CLEC18A: variants seen among roughly 807,000 people sequenced by gnomAD.
CLEC18A encodes C-type lectin domain family 18 member A, also known as mannose receptor-like 1.
CLEC18A carries 5 observed loss-of-function variants against 24.0 expected under a neutral mutation model. The observed-to-expected ratio is 0.21, with a 90% CI of 0.11 to 0.44. CLEC18A has a LOEUF of 0.44. Ranked by LOEUF, CLEC18A falls within the 20% of genes least tolerant of loss-of-function variation. The probability of loss-of-function intolerance (pLI) is 0.99; values close to 1 mark genes in which losing one functional copy is unlikely to be tolerated. For synonymous variants in CLEC18A, 29 were observed against 100.1 expected, an observed-to-expected ratio of 0.29 and a Z score of 4.24; for missense variants, 83 against 233.4, an observed-to-expected ratio of 0.36 and a Z score of 4.20.
At chr16:69,944,435 TAAG>T in the CLEC18A span, among the ~76,000 whole-genome samples, 3 of 151,302 alleles carry the variant, frequency 2.0e-5, no homozygotes, top group Non-Finnish European at 4.4e-5. Flanking sequence ...AGAAACATTT[TAAG>T]AAGTAGCGGC....
At chr16:69,952,997 C>A (rs1158298331) in intron 2 of CLEC18A, 1 of 148,718 alleles carries the variant, frequency 6.7e-6, no homozygotes, top group Non-Finnish European at 1.5e-5. Context: ...ACCAGGGGTG[C>A]TCCCAGCTGT....
At chr16:69,964,923 AC>A (rs1959321518), downstream of CLEC18A, among the ~76,000 whole-genome samples, 1 of 151,854 alleles carries the variant, frequency 6.6e-6, no homozygotes, top group Non-Finnish European at 1.5e-5. Context: ...TGCCTCAGCC[AC>A]CCAAGTAGCT....
chr16:69,954,465 C>T lies in CLEC18A; in HGVS notation c.348C>T (p.Gly116=), dbSNP rs776916321. Residue 116 remains glycine (G), a synonymous_variant, in exon 3 of 12, where the codon GGC becomes GGT. Coordinates refer to ENST00000288040, the MANE Select transcript of CLEC18A (RefSeq NM_001370523.4). ...VGWNMQLLPA[G]LVSFVEVVSL... ...GGAACATGCAGCTGCTACCCGCGGG[C>T]TTGGTGTCCTTTGTCGAAGTGGTCA... 2.5e-6 allele frequency: 4 copies of T among 1,602,512 alleles called. No homozygotes were observed. In the African/African-American group the frequency reaches 5.3e-5, roughly 21 times the overall value.
chr16:69,948,288 A>G (rs1392839687), upstream of CLEC18A, among the ~76,000 whole-genome samples: 38 of 105,914 alleles, frequency 3.6e-4, no homozygotes, highest in African/African-American at 1.4e-3. Flanking sequence ...AAGTGCTGGG[A>G]TTATAGGTGT....
At chr16:69,946,829 T>C (rs2152008156), upstream of CLEC18A, among the ~76,000 whole-genome samples, 2 of 78,526 alleles carry the variant, frequency 2.5e-5, 1 homozygote, top group Non-Finnish European at 4.5e-5. Flanking sequence ...TTTTTTTTTT[T>C]TTATACATTC....
rs147528901 is a variant in CLEC18A at position 69,954,361 on chromosome 16, G to A, written c.244G>A (p.Ala82Thr). ...LDWSDSLAQLAQARAALCGTP... is the reference protein window; with the variant it reads ...LDWSDSLAQLTQARAALCGTP... ...CTGGAGTGACAGCCTGGCCCAGCTG[G>A]CTCAAGCCAGGGCAGCCCTCTGTGG... is the stretch of plus-strand genomic sequence containing the variant. Residue 82 changes from alanine to threonine, a missense_variant, in exon 3 of 12, where the codon GCT becomes ACT. By Grantham distance (58) the Ala-to-Thr change is moderately conservative. Transcript: ENST00000288040. 3 of 1,603,364 alleles carry A rather than the reference G, an allele frequency of 1.9e-6. No homozygotes were observed. The African/African-American group carries it at 4.0e-5, about 21-fold the overall frequency.
upstream of CLEC18A, among the ~76,000 whole-genome samples, chr16:69,945,734 T>TA: frequency 6.6e-6 from 1 of 152,384 alleles, no homozygotes; most frequent in East Asian, 1.9e-4. Flanking sequence ...TGGGGAGAAT[T>TA]ACCATCTATC....
intron 3 of CLEC18A, among the ~76,000 whole-genome samples, chr16:69,958,741 A>G (rs1357934458): frequency 2.1e-4 from 24 of 113,604 alleles, no homozygotes; most frequent in African/African-American, 1.6e-3. Flanking sequence ...TCAAAAATAA[A>G]TAAATAAATA....
the CLEC18A span, among the ~76,000 whole-genome samples, chr16:69,944,260 C>T: frequency 6.9e-6 from 1 of 145,752 alleles, no homozygotes; most frequent in African/African-American, 2.4e-5. Context: ...CGCACCACTG[C>T]ACTCCAGCCT....
At chr16:69,966,527 G>A (rs537354114), downstream of CLEC18A, among the ~76,000 whole-genome samples, 53 of 144,432 alleles carry the variant, frequency 3.7e-4, no homozygotes, top group South Asian at 0.012. Context: ...AAATGCCATG[G>A]CAACGCCAGA....
chr16:69,956,021 G>A (rs989728393), intron 3 of CLEC18A, among the ~76,000 whole-genome samples: 4 of 152,108 alleles, frequency 2.6e-5, no homozygotes, highest in Non-Finnish European at 5.9e-5. Flanking sequence ...CAAGGTGGCA[G>A]GATTGCCTGA....
chr16:69,955,826 A>C (rs1334752876), intron 3 of CLEC18A, among the ~76,000 whole-genome samples: 1 of 151,252 alleles, frequency 6.6e-6, no homozygotes. Context: ...CTCTTCATTC[A>C]ACGAATATTT....
upstream of CLEC18A, among the ~76,000 whole-genome samples, chr16:69,948,616 C>A (rs962279851): frequency 4.0e-5 from 6 of 151,182 alleles, no homozygotes; most frequent in African/African-American, 1.5e-4. Context: ...GATGTAAACC[C>A]TGTAGTAGCC....
chr16:69,965,346 T>C (rs1010307735), downstream of CLEC18A, among the ~76,000 whole-genome samples: 3 of 152,024 alleles, frequency 2.0e-5, no homozygotes, highest in African/African-American at 7.3e-5. Context: ...CGGCTCGGTC[T>C]GGTTCCCGGG....
chr16:69,950,253 G>A (rs531801432), upstream of CLEC18A, among the ~76,000 whole-genome samples: 8 of 126,528 alleles, frequency 6.3e-5, 1 homozygote, highest in Non-Finnish European at 9.4e-5. Context: ...TTGGAACCCC[G>A]CTCCGAGAGG....
the CLEC18A span, among the ~76,000 whole-genome samples, chr16:69,945,039 C>T: frequency 1.4e-5 from 2 of 145,466 alleles, no homozygotes; most frequent in Non-Finnish European, 3.0e-5. Context: ...CTACCTGGGA[C>T]GCTGAGGTGG....
At position 69,954,415 on chromosome 16, in the gene CLEC18A, C is replaced by G. The variant is rs769799909; in HGVS notation, c.298C>G (p.Leu100Val). Residue 100 changes from leucine (L) to valine (V), a missense_variant, in exon 3 of 12, where the codon CTG (leucine) becomes GTG (valine). By Grantham distance (32) the Leu-to-Val change is conservative. Coordinates refer to ENST00000288040, the MANE Select transcript of CLEC18A (RefSeq NM_001370523.4). The part of the protein sequence containing the change: ...GTPTPSLASG[L>V]WRTLQVGWNM... ...CCCAACCCCGAGCCTGGCGTCCGGC[C>G]TGTGGCGCACCCTGCAAGTGGGCTG... 6.2e-6 allele frequency: 10 copies of G among 1,610,816 alleles called. No individual in the cohort carries two copies. The South Asian group carries it at 1.1e-4, about 18-fold the overall frequency.
the CLEC18A span, among the ~76,000 whole-genome samples, chr16:69,944,835 C>CA: frequency 2.6e-5 from 3 of 115,100 alleles, no homozygotes; most frequent in Non-Finnish European, 3.4e-5. Context: ...TACTCCGTCT[C>CA]AAAAAAAAGA....
chr16:69,948,395 G>A (rs1267358307), upstream of CLEC18A, among the ~76,000 whole-genome samples: 2 of 144,354 alleles, frequency 1.4e-5, no homozygotes, highest in African/African-American at 5.3e-5. Context: ...TTGTTTGTTT[G>A]TTTGTTTTTT....
Sources: gnomAD v4.1 joint callset for allele counts (sites outside exome capture counted in the v4.1 genomes callset) on GRCh38, gnomAD v4.1.1 for gene constraint, MANE v1.5 for transcripts, NCBI Gene and HGNC (gene_info 2026-07-23, HGNC 2026-07-21) for gene names.